Variants in CRACD observed in about 807,000 individuals in gnomAD.
The protein encoded by CRACD is capping protein inhibiting regulator of actin dynamics.
In CRACD, 56 loss-of-function variants were observed where a neutral mutation model predicts 106.8. That is an observed-to-expected ratio of 0.52 (90% CI 0.42 to 0.66). The LOEUF is 0.66. CRACD is among the 30% of genes least tolerant of loss of function. The probability of loss-of-function intolerance (pLI) is 0.00; values close to 1 mark genes in which losing one functional copy is unlikely to be tolerated. For missense variants in CRACD, 1,730 were observed against 1,623.2 expected, an observed-to-expected ratio of 1.07 and a Z score of -1.13; for synonymous variants, 754 against 670.8, an observed-to-expected ratio of 1.12 and a Z score of -1.92.
Position 56,121,601 on chromosome 4 carries a change from A to T in CRACD, c.-335-57683A>T, listed in dbSNP as rs1450691866. Reference sequence around the variant, plus strand: ...GGAGAGTGCAGTGAGCCACTACTGCACCACTGCACTCCAGCCTGGGCGACA... The same window carrying T: ...GGAGAGTGCAGTGAGCCACTACTGCTCCACTGCACTCCAGCCTGGGCGACA... On this transcript the variant is annotated intron_variant, in intron 1 of 10. Coordinates refer to ENST00000682029, the MANE Select transcript of CRACD (RefSeq NM_001393381.1). 2.0e-5 allele frequency among the ~76,000 whole-genome samples: 3 copies of T among 152,164 alleles called. No homozygotes were observed. In the East Asian group the frequency reaches 5.8e-4, roughly 30 times the overall value.
chr4:56,088,978 GC>G (rs1183752224), intron 1 of CRACD, among the ~76,000 whole-genome samples: 1 of 152,172 alleles, frequency 6.6e-6, no homozygotes, highest in Non-Finnish European at 1.5e-5. Flanking sequence ...ACCTGCCTTG[GC>G]CTCCCAAAGT....
At position 56,131,436 on chromosome 4, in the gene CRACD, C is replaced by T. The variant is rs191252062; in HGVS notation, c.-335-47848C>T. On this transcript the variant is annotated intron_variant, in intron 1 of 10. Coordinates refer to ENST00000682029, the MANE Select transcript of CRACD (RefSeq NM_001393381.1). Reference sequence around the variant, plus strand: ...TTGGTCAGGTCATCTAAAGATGTTGCTGAAATCGTATATAGGCAGGCACAA... The same window carrying T: ...TTGGTCAGGTCATCTAAAGATGTTGTTGAAATCGTATATAGGCAGGCACAA... Among the ~76,000 whole-genome samples the T allele has an allele frequency of 1.3e-3, 199 of 152,230 alleles. 1 individual carries two copies. The highest frequency in any genetic ancestry group is 4.6e-3 in the African/African-American group (191 of 41,524).
At chr4:56,158,700 C>T (rs920201082) in intron 1 of CRACD, among the ~76,000 whole-genome samples, 4 of 152,182 alleles carry the variant, frequency 2.6e-5, no homozygotes, top group Non-Finnish European at 5.9e-5. Context: ...CACAAGGTGA[C>T]AGCAAACGAC....
intron 1 of CRACD, among the ~76,000 whole-genome samples, chr4:56,077,718 A>G (rs1222109965): frequency 6.6e-6 from 1 of 152,180 alleles, no homozygotes; most frequent in East Asian, 1.9e-4. Context: ...AGCAGCTCAT[A>G]TGTCAGGCCT....
At position 56,200,206 on chromosome 4, in the gene CRACD, C is replaced by T. The variant is rs77400033; in HGVS notation, c.-189+20776C>T. ...TGCCAGTCCCCAGAGAGCTCTTGTC[C>T]GTTACACTATGCTGTTGATAAATGG... On this transcript the variant is annotated intron_variant, in intron 2 of 10. Transcript: ENST00000682029. Among the ~76,000 whole-genome samples, 162 of 151,528 alleles carry T rather than the reference C, an allele frequency of 1.1e-3. 1 individual carries two copies. The highest frequency in any genetic ancestry group is 3.6e-3 in the African/African-American group (149 of 41,294).
intron 2 of CRACD, among the ~76,000 whole-genome samples, chr4:56,192,068 T>C (rs1577726965): frequency 6.6e-6 from 1 of 152,094 alleles, no homozygotes; most frequent in Non-Finnish European, 1.5e-5. Context: ...ACAAAACTCA[T>C]CATTTTGTGA....
Position 56,241,450 on chromosome 4 carries a change from C to A in CRACD, c.-188-30871C>A, listed in dbSNP as rs62310583. Reference sequence around the variant, plus strand: ...AATAAAAGCAACTAGGGTGAATTACCCCTCCCAATTCCTCTGCCTCTAATT... The same window carrying A: ...AATAAAAGCAACTAGGGTGAATTACACCTCCCAATTCCTCTGCCTCTAATT... On this transcript the variant is annotated intron_variant, in intron 2 of 10. Coordinates refer to ENST00000682029, the MANE Select transcript of CRACD (RefSeq NM_001393381.1). Among the ~76,000 whole-genome samples, 1,345 of 151,706 alleles carry A rather than the reference C, an allele frequency of 8.9e-3. 7 individuals carry two copies. Among genetic ancestry groups the A allele is most frequent in the Middle Eastern group, 0.048 (14 of 292 alleles).
chr4:56,175,385 A>G (rs918180705), intron 1 of CRACD, among the ~76,000 whole-genome samples: 2 of 152,152 alleles, frequency 1.3e-5, no homozygotes, highest in African/African-American at 4.8e-5. Flanking sequence ...GTGAGATAAT[A>G]TCTTATTGTG....
chr4:56,178,056 T>C (rs1345158687), intron 1 of CRACD, among the ~76,000 whole-genome samples: 1 of 152,174 alleles, frequency 6.6e-6, no homozygotes, highest in African/African-American at 2.4e-5. Flanking sequence ...TTGGGTTTGG[T>C]TTTTTCTTGC....
intron 2 of CRACD, among the ~76,000 whole-genome samples, chr4:56,206,210 G>A (rs992725743): frequency 2.0e-5 from 3 of 152,162 alleles, no homozygotes; most frequent in African/African-American, 7.2e-5. Context: ...GAAAATAACA[G>A]TAGCATAAAT....
chr4:56,307,907 C>T (rs377039952), intron 5 of CRACD, among the ~76,000 whole-genome samples: 3 of 152,304 alleles, frequency 2.0e-5, no homozygotes, highest in Non-Finnish European at 2.9e-5. Flanking sequence ...CCTTTGCAGG[C>T]GGTCTTCCCA....
chr4:56,144,673 T>TTG (rs1735316302), intron 1 of CRACD, among the ~76,000 whole-genome samples: 1 of 151,366 alleles, frequency 6.6e-6, no homozygotes, highest in Admixed American at 6.6e-5. Context: ...TTTTTTTTTT[T>TTG]GAAATGGAGT....
At chr4:56,142,590 A>G (rs1735242406) in intron 1 of CRACD, among the ~76,000 whole-genome samples, 1 of 151,986 alleles carries the variant, frequency 6.6e-6, no homozygotes. Context: ...CTTTTCTTTC[A>G]TGTTCTTGGC....
chr4:56,078,102 A>G (rs2109805317), intron 1 of CRACD, among the ~76,000 whole-genome samples: 1 of 152,366 alleles, frequency 6.6e-6, no homozygotes, highest in East Asian at 1.9e-4. Flanking sequence ...TATATTTTTA[A>G]TTGACAGATA....
At chr4:56,268,921 C>A (rs530079042) in intron 2 of CRACD, among the ~76,000 whole-genome samples, 1 of 152,238 alleles carries the variant, frequency 6.6e-6, no homozygotes, top group Admixed American at 6.5e-5. Flanking sequence ...AAATCACTGG[C>A]CTATATTCAC....
At chr4:56,187,719 G>T (rs1466862594) in intron 2 of CRACD, among the ~76,000 whole-genome samples, 2 of 151,478 alleles carry the variant, frequency 1.3e-5, no homozygotes, top group Non-Finnish European at 2.9e-5. Flanking sequence ...GTGAAGCCAA[G>T]ATTTCGTTCC....
intron 1 of CRACD, among the ~76,000 whole-genome samples, chr4:56,089,473 A>G (rs1272175351): frequency 7.4e-5 from 11 of 149,092 alleles, no homozygotes; most frequent in African/African-American, 2.7e-4. Flanking sequence ...TGCAGGAACT[A>G]TTTAGACAAA....
intron 3 of CRACD, among the ~76,000 whole-genome samples, chr4:56,274,856 C>G (rs779027673): frequency 2.6e-5 from 4 of 152,124 alleles, no homozygotes; most frequent in Admixed American, 1.3e-4. Flanking sequence ...GCACTGTTCA[C>G]AATAGCAAAG....
At chr4:56,075,592 C>T (rs575693336) in intron 1 of CRACD, among the ~76,000 whole-genome samples, 1 of 152,136 alleles carries the variant, frequency 6.6e-6, no homozygotes, top group South Asian at 2.1e-4. Flanking sequence ...AAAAAGAAAC[C>T]ATTAGCAATC....
Sources: gnomAD v4.1 joint callset for allele counts (sites outside exome capture counted in the v4.1 genomes callset) on GRCh38, gnomAD v4.1.1 for gene constraint, MANE v1.5 for transcripts, NCBI Gene and HGNC (gene_info 2026-07-23, HGNC 2026-07-21) for gene names.